CLVS1: variants seen among roughly 807,000 people sequenced by gnomAD.
CLVS1 encodes clavesin 1.
CLVS1 carries 10 observed loss-of-function variants against 33.1 expected under a neutral mutation model. The observed-to-expected ratio is 0.30, with a 90% CI of 0.19 to 0.51. The LOEUF (loss-of-function observed/expected upper bound fraction) is 0.51. Ranked by LOEUF, CLVS1 falls within the 20% of genes least tolerant of loss-of-function variation. The pLI is 0.97. For synonymous variants in CLVS1, 163 were observed against 166.1 expected, an observed-to-expected ratio of 0.98 and a Z score of 0.14; for missense variants, 343 against 433.4, an observed-to-expected ratio of 0.79 and a Z score of 1.85.
chr8:61,226,223 C>G (rs954015827), intron 2 of CLVS1, among the ~76,000 whole-genome samples: 5 of 151,994 alleles, frequency 3.3e-5, no homozygotes, highest in African/African-American at 1.2e-4. Context: ...GCTCCAGAAA[C>G]AAAAAAGCAC....
intron 1 of CLVS1, among the ~76,000 whole-genome samples, chr8:61,114,461 C>T (rs1474744294): frequency 1.3e-5 from 2 of 152,158 alleles, no homozygotes; most frequent in Non-Finnish European, 2.9e-5. Context: ...AATGAAAGAC[C>T]AGATTCCTAG....
chr8:61,012,662 G>T, the CLVS1 span, among the ~76,000 whole-genome samples: 2 of 152,302 alleles, frequency 1.3e-5, no homozygotes, highest in East Asian at 3.9e-4. Context: ...GCAGCACTGT[G>T]TGAGTCCTCG....
chr8:61,116,117 G>A (rs534606019), intron 1 of CLVS1, among the ~76,000 whole-genome samples: 73 of 152,022 alleles, frequency 4.8e-4, no homozygotes, highest in Middle Eastern at 3.4e-3. Flanking sequence ...GCATTTCTCT[G>A]ATGGCCAGTG....
At chr8:61,038,629 C>A in the CLVS1 span, among the ~76,000 whole-genome samples, 15 of 152,002 alleles carry the variant, frequency 9.9e-5, no homozygotes, top group Non-Finnish European at 1.9e-4. Context: ...TAGCAAACTA[C>A]AAGGATGTAA....
chr8:61,198,050 G>A (rs1807652443), intron 2 of CLVS1, among the ~76,000 whole-genome samples: 1 of 152,188 alleles, frequency 6.6e-6, no homozygotes, highest in African/African-American at 2.4e-5. Flanking sequence ...TTGTTCACCT[G>A]ATTTTTGGTT....
chr8:61,202,382 C>T lies in CLVS1; in HGVS notation c.-152+70522C>T, dbSNP rs1015439984. ...GATCTGATGGACGTGGACATGAGCTCCCTGAGGCCCCAGAACTATCTTTTT... is the reference window on the plus strand; with the variant it reads ...GATCTGATGGACGTGGACATGAGCTTCCTGAGGCCCCAGAACTATCTTTTT... On this transcript the variant is annotated intron_variant, in intron 2 of 2. Coordinates refer to the CLVS1 transcript ENST00000522621. 2.5e-5 allele frequency: 19 copies of T among 753,558 alleles called. No individual in the cohort carries two copies. The African/African-American group carries it at 3.1e-4, about 12-fold the overall frequency. 46.7% of individuals were successfully genotyped at this position (753,558 alleles called of 1,614,324 possible).
At chr8:61,111,806 TTCA>T (rs954750286) in intron 1 of CLVS1, among the ~76,000 whole-genome samples, 3 of 152,144 alleles carry the variant, frequency 2.0e-5, no homozygotes, top group Admixed American at 6.5e-5. Context: ...TATCAAAAAG[TTCA>T]TCATTTTTAT....
At chr8:61,358,393 G>A (rs1464854581) in intron 2 of CLVS1, among the ~76,000 whole-genome samples, 1 of 152,168 alleles carries the variant, frequency 6.6e-6, no homozygotes, top group Non-Finnish European at 1.5e-5. Context: ...TTAGTCATAT[G>A]TGACTTTCCT....
chr8:61,345,077 A>C (rs1004597349), intron 2 of CLVS1, among the ~76,000 whole-genome samples: 4 of 152,092 alleles, frequency 2.6e-5, no homozygotes, highest in African/African-American at 9.7e-5. Context: ...CAATTTTCTA[A>C]ACTATCTTTA....
chr8:61,443,431 T>C (rs944277019), intron 3 of CLVS1, among the ~76,000 whole-genome samples: 2 of 152,040 alleles, frequency 1.3e-5, no homozygotes, highest in Admixed American at 6.6e-5. Context: ...GAAGGTTAAG[T>C]CAGGTATTTT....
intron 1 of CLVS1, among the ~76,000 whole-genome samples, chr8:61,062,621 T>C (rs753162859): frequency 1.3e-5 from 2 of 152,192 alleles, no homozygotes; most frequent in African/African-American, 2.4e-5. Context: ...GATAAGGAAG[T>C]CTATGGCAGG....
the CLVS1 span, among the ~76,000 whole-genome samples, chr8:60,978,132 G>A: frequency 6.6e-6 from 1 of 152,140 alleles, no homozygotes; most frequent in African/African-American, 2.4e-5. Flanking sequence ...CAGTAGGCCT[G>A]GTACAGAAAT....
At chr8:61,429,084 G>T (rs1021237234) in intron 3 of CLVS1, among the ~76,000 whole-genome samples, 4 of 152,106 alleles carry the variant, frequency 2.6e-5, no homozygotes, top group African/African-American at 7.2e-5. Flanking sequence ...CTGGCATCTG[G>T]CAAGGATCTT....
Position 61,231,891 on chromosome 8 carries a change from G to T in CLVS1, c.-151-67786G>T, listed in dbSNP as rs76196374. Among the ~76,000 whole-genome samples, 13 of 152,212 alleles carry T rather than the reference G, an allele frequency of 8.5e-5. No homozygotes were observed. The South Asian group carries it at 2.3e-3, about 27-fold the overall frequency. On this transcript the variant is annotated intron_variant, in intron 2 of 2. Coordinates refer to the CLVS1 transcript ENST00000522621. ...TACCCATGCTACACAATGCAGGAGT[G>T]GGGGGCAAGGGTGGATGTTGGGGAG...
At chr8:60,969,399 C>G in the CLVS1 span, among the ~76,000 whole-genome samples, 1 of 152,140 alleles carries the variant, frequency 6.6e-6, no homozygotes, top group South Asian at 2.1e-4. Context: ...TTAACCCTTG[C>G]CTAGCATAGC....
rs115008387 is a variant in CLVS1, at chr8:61,101,771, G to A, written c.-242-29999G>A. On this transcript the variant is annotated intron_variant, in intron 1 of 2. Transcript: ENST00000522621. The stretch of plus-strand genomic sequence containing the variant: ...CATTTATATTTTTATTACATTTTGA[G>A]TTAACGTTTTAAATATGGTGTGAGT... 6.6e-3 allele frequency among the ~76,000 whole-genome samples: 984 copies of A among 148,808 alleles called. 12 individuals carry two copies. Among genetic ancestry groups the A allele is most frequent in the African/African-American group, 0.023 (926 of 40,680 alleles).
intron 1 of CLVS1, among the ~76,000 whole-genome samples, chr8:61,065,639 T>C (rs775629176): frequency 1.1e-4 from 16 of 152,162 alleles, no homozygotes; most frequent in Non-Finnish European, 2.1e-4. Context: ...AGAAAATTTG[T>C]TTTTTGTCTT....
intron 1 of CLVS1, among the ~76,000 whole-genome samples, chr8:61,101,498 T>G (rs1316442711): frequency 6.6e-6 from 1 of 152,208 alleles, no homozygotes; most frequent in Non-Finnish European, 1.5e-5. Flanking sequence ...TAATAGTTCT[T>G]TATATGTATT....
the CLVS1 span, among the ~76,000 whole-genome samples, chr8:60,970,137 C>T: frequency 6.6e-6 from 1 of 152,330 alleles, no homozygotes; most frequent in Middle Eastern, 3.4e-3. Flanking sequence ...CTGGGGAGGG[C>T]TGCTCTGGAT....
Sources: gnomAD v4.1 joint callset for allele counts (sites outside exome capture counted in the v4.1 genomes callset) on GRCh38, gnomAD v4.1.1 for gene constraint, MANE v1.5 for transcripts, NCBI Gene and HGNC (gene_info 2026-07-23, HGNC 2026-07-21) for gene names.